Variants in DMD observed in about 807,000 individuals in gnomAD.
DMD encodes the protein mutant dystrophin.
DMD carries 63 observed loss-of-function variants against 330.1 expected under a neutral mutation model. That is an observed-to-expected ratio of 0.19 (90% CI 0.16 to 0.24). The LOEUF (loss-of-function observed/expected upper bound fraction) is 0.24, where lower values mean the gene tolerates loss of function less well. Ranked by LOEUF, DMD falls within the 10% of genes least tolerant of loss-of-function variation. The pLI, the probability that DMD is intolerant of heterozygous loss-of-function variation, is 1.00. For missense variants in DMD, 3,344 were observed against 2,684.1 expected (o/e 1.25, Z -5.43); for synonymous variants, 1,223 against 959.8 (o/e 1.27, Z -5.07).
At chrX:32,523,051 C>G (rs946072530) in intron 17 of DMD, among the ~76,000 whole-genome samples, 1 of 111,985 alleles carries the variant, frequency 8.9e-6, no homozygotes, top group Non-Finnish European at 1.9e-5. Flanking sequence ...CCTCAAGGTA[C>G]TAGGCTGGCA....
At chrX:31,744,828 T>C (rs1158743764) in intron 51 of DMD, among the ~76,000 whole-genome samples, 1 of 112,094 alleles carries the variant, frequency 8.9e-6, no homozygotes, top group Non-Finnish European at 1.9e-5. Flanking sequence ...AGAAAATATT[T>C]ATTGAAATAA....
At chrX:32,160,997 G>A (rs1278152814) in intron 44 of DMD, among the ~76,000 whole-genome samples, 1 of 111,573 alleles carries the variant, frequency 9.0e-6, no homozygotes, top group Non-Finnish European at 1.9e-5. Context: ...AATAGTCAGT[G>A]TCTTATTGGA....
At chrX:32,698,191 G>T (rs1444959346) in intron 8 of DMD, among the ~76,000 whole-genome samples, 193 bp from the exon 9 acceptor site, 1 of 111,511 alleles carries the variant, frequency 9.0e-6, no homozygotes, top group Non-Finnish European at 1.9e-5. Flanking sequence ...TTAATATCAT[G>T]TTGGAGAGTA....
At chrX:32,460,714 C>T (rs972601398) in intron 25 of DMD, among the ~76,000 whole-genome samples, 1 of 111,231 alleles carries the variant, frequency 9.0e-6, no homozygotes, top group African/African-American at 3.3e-5. Flanking sequence ...GTTCCTACTA[C>T]TCGGGTATCA....
intron 2 of DMD, among the ~76,000 whole-genome samples, chrX:33,002,274 T>C (rs2093297930): frequency 9.0e-6 from 1 of 111,153 alleles, no homozygotes; most frequent in Non-Finnish European, 1.9e-5. Flanking sequence ...ATCAAAGAAT[T>C]GGACAAAATG....
At chrX:31,214,018 G>A (rs948937791) in intron 64 of DMD, among the ~76,000 whole-genome samples, 2 of 112,085 alleles carry the variant, frequency 1.8e-5, no homozygotes, top group African/African-American at 6.5e-5. Context: ...AATGGATTAG[G>A]AGGCAATTGC....
At chrX:32,310,057 A>G (rs758441767) in intron 42 of DMD, 25 bp downstream of exon 42, 11 of 1,181,338 alleles carry the variant, frequency 9.3e-6, no homozygotes, top group African/African-American at 1.8e-5. Context: ...CTTGTAAAAT[A>G]CGAATGAAAG....
At chrX:31,392,675 G>A (rs1177435827) in intron 60 of DMD, among the ~76,000 whole-genome samples, 1 of 112,365 alleles carries the variant, frequency 8.9e-6, no homozygotes, top group African/African-American at 3.2e-5. Flanking sequence ...ATTGAGACTT[G>A]AAGGCTAAAC....
At chrX:33,020,579 CAGG>C (rs2093895099) in intron 1 of DMD, among the ~76,000 whole-genome samples, 1 of 111,365 alleles carries the variant, frequency 9.0e-6, no homozygotes, top group Non-Finnish European at 1.9e-5. Flanking sequence ...GAGGCTGAGG[CAGG>C]AGAATCATTT....
intron 43 of DMD, among the ~76,000 whole-genome samples, chrX:32,233,599 T>TTTTTTTTA (rs2097176529): frequency 5.7e-5 from 5 of 87,960 alleles, no homozygotes; most frequent in African/African-American, 1.7e-4. Context: ...TTTCTTTTTC[T>TTTTTTTTA]TTTATTTATT....
At chrX:31,728,305 G>T in intron 52 of DMD, among the ~76,000 whole-genome samples, 1 of 112,408 alleles carries the variant, frequency 8.9e-6, no homozygotes, top group Non-Finnish European at 1.9e-5. Flanking sequence ...GATTACAGGC[G>T]TGAGCCACCG....
At chrX:32,171,893 T>C (rs1249081184) in intron 44 of DMD, among the ~76,000 whole-genome samples, 1 of 111,657 alleles carries the variant, frequency 9.0e-6, no homozygotes, top group Non-Finnish European at 1.9e-5. Context: ...TTATCAATGC[T>C]ACTCTACCAA....
At chrX:33,139,889 A>AT (rs2047711335) in intron 1 of DMD, among the ~76,000 whole-genome samples, 1 of 109,923 alleles carries the variant, frequency 9.1e-6, no homozygotes, top group African/African-American at 3.3e-5. Context: ...AAAAAAAAAA[A>AT]AAAAAAATGT....
chrX:31,989,301 A>G (rs147662297), intron 44 of DMD, among the ~76,000 whole-genome samples: 1 of 112,335 alleles, frequency 8.9e-6, no homozygotes, highest in South Asian at 3.7e-4. Flanking sequence ...GAAATTAACC[A>G]TCACAGAAAT....
chrX:31,502,124 A>G (rs150825922), intron 56 of DMD, among the ~76,000 whole-genome samples: 191 of 111,860 alleles, frequency 1.7e-3, no homozygotes, highest in African/African-American at 5.7e-3. Context: ...AAATCAAAGT[A>G]GATTAAAGAC....
intron 34 of DMD, among the ~76,000 whole-genome samples, chrX:32,367,136 G>GAT (rs2097857376): frequency 8.9e-6 from 1 of 111,886 alleles, no homozygotes; most frequent in African/African-American, 3.2e-5. Context: ...GGTAGATACA[G>GAT]ACCCTTTAGA....
intron 47 of DMD, among the ~76,000 whole-genome samples, chrX:31,913,310 C>G (rs1160558087): frequency 8.9e-6 from 1 of 111,887 alleles, no homozygotes; most frequent in East Asian, 2.8e-4. Context: ...GTCGAACTAA[C>G]TATACAGGAT....
chrX:32,121,261 A>C (rs1243784104), intron 44 of DMD, among the ~76,000 whole-genome samples: 2 of 111,087 alleles, frequency 1.8e-5, no homozygotes, highest in Non-Finnish European at 3.8e-5. Context: ...CACAAAGAGG[A>C]ATGTATCTAG....
intron 69 of DMD, among the ~76,000 whole-genome samples, chrX:31,179,066 TAAAAG>T (rs984816650): frequency 8.9e-6 from 1 of 111,933 alleles, no homozygotes; most frequent in Admixed American, 9.5e-5. Flanking sequence ...TTATGATAAA[TAAAAG>T]AAACATACAA....
Sources: allele counts gnomAD v4.1 joint callset (sites outside exome capture counted in the v4.1 genomes callset), GRCh38; gene constraint gnomAD v4.1.1; transcripts MANE v1.5; gene names NCBI Gene and HGNC (gene_info 2026-07-23, HGNC 2026-07-21).